The following HSF5 variants were observed in gnomAD, a reference collection of about 807,000 sequenced individuals.
The protein encoded by HSF5 is heat shock transcription factor 5, also known as heat shock factor protein 5.
In HSF5, 5 loss-of-function variants were observed where a neutral mutation model predicts 50.8. That is an observed-to-expected ratio of 0.10 (90% CI 0.05 to 0.21). The LOEUF (loss-of-function observed/expected upper bound fraction) is 0.21. Ranked by LOEUF, HSF5 falls within the 10% of genes least tolerant of loss-of-function variation. The pLI is 1.00. For missense variants in HSF5, 564 were observed against 762.6 expected (o/e 0.74, Z 3.07); for synonymous variants, 307 against 307.4 (o/e 1.00, Z 0.02).
rs1974752528 is a variant in HSF5 at position 58,458,955 on chromosome 17, T to C, written c.1543-10A>G. ...TTATGTTGGCATCCACCTAAAATAT[T>C]AAACCCATTCATTATTTGAGATTTC... On this transcript the variant is annotated splice_polypyrimidine_tract_variant and intron_variant, in intron 4 of 5. Coordinates refer to ENST00000323777, the MANE Select transcript of HSF5 (RefSeq NM_001080439.3). The C allele has an allele frequency of 6.3e-7, 1 of 1,597,940 alleles. No homozygotes were observed.
chr17:58,488,075 GC>G lies in HSF5; in HGVS notation c.199del (p.Ala67ProfsTer122). ...GGGGGTAGAG[A>X]EPELFKTTSF... The stretch of plus-strand genomic sequence containing the variant: ...GGTGGTTTTGAAGAGCTCGGGCTCG[GC>G]CCCGGCCCCCGCAGTCCCGCCACCG... On this transcript the variant is annotated frameshift_variant, in exon 1 of 6. Coordinates refer to ENST00000323777, the MANE Select transcript of HSF5 (RefSeq NM_001080439.3). LOFTEE classifies it high-confidence loss of function. This position sits in a 1 kb window ranked among gnomAD's most constrained non-coding sequence, Gnocchi z 4.1. 6.3e-7 allele frequency: 1 copy of G among 1,584,616 alleles called. No homozygotes were observed.
At chr17:58,423,923 T>C (rs192225212) in intron 5 of HSF5, among the ~76,000 whole-genome samples, 3 of 152,356 alleles carry the variant, frequency 2.0e-5, no homozygotes, top group African/African-American at 4.8e-5. Flanking sequence ...CTCTACAGGA[T>C]TGATCCACAG....
At chr17:58,476,293 T>C (rs2143800241) in intron 2 of HSF5, 1 of 1,008,300 alleles carries the variant, frequency 9.9e-7, no homozygotes, top group East Asian at 2.4e-5. Context: ...AACCAAGTGG[T>C]ACTGTAATGG....
intron 5 of HSF5, among the ~76,000 whole-genome samples, chr17:58,434,827 T>C (rs545568005): frequency 6.6e-6 from 1 of 152,228 alleles, no homozygotes; most frequent in Admixed American, 6.5e-5. Flanking sequence ...CACTCCAGCG[T>C]GGATGACAGA....
chr17:58,475,613 A>G (rs1278186393), intron 2 of HSF5, among the ~76,000 whole-genome samples: 1 of 152,172 alleles, frequency 6.6e-6, no homozygotes, highest in Admixed American at 6.5e-5. Context: ...AACCCCCCCA[A>G]ACATCTCAAA....
chr17:58,483,116 A>AC (rs5821233), intron 1 of HSF5, among the ~76,000 whole-genome samples: 9 of 152,106 alleles, frequency 5.9e-5, no homozygotes, highest in African/African-American at 2.2e-4. Flanking sequence ...GGATGCTCGC[A>AC]GTCAACACTA....
intron 5 of HSF5, among the ~76,000 whole-genome samples, chr17:58,452,097 A>T (rs1016439677): frequency 4.6e-5 from 7 of 151,988 alleles, no homozygotes; most frequent in South Asian, 2.1e-4. Flanking sequence ...AAAAATTTTT[A>T]AATTAGCCAA....
Position 58,476,694 on chromosome 17 carries a change from T to C in HSF5, c.925+3199A>G. 4 of 1,583,526 alleles carry C rather than the reference T, an allele frequency of 2.5e-6. No homozygotes were observed. In the East Asian group the frequency reaches 8.9e-5, roughly 35 times the overall value. ...CAGACACTTGTGGATGGTTGACAAATGTTGTTATCCAAAAATGTGGGATTT... is the reference window on the plus strand; with the variant it reads ...CAGACACTTGTGGATGGTTGACAAACGTTGTTATCCAAAAATGTGGGATTT... On this transcript the variant is annotated intron_variant, in intron 2 of 5. Transcript: ENST00000323777.
At chr17:58,427,597 G>T (rs1974312346) in intron 5 of HSF5, among the ~76,000 whole-genome samples, 1 of 152,268 alleles carries the variant, frequency 6.6e-6, no homozygotes, top group South Asian at 2.1e-4. Context: ...TACTCTTAAT[G>T]ATAATGACAG....
chr17:58,467,665 G>A (rs1010005710), intron 2 of HSF5, among the ~76,000 whole-genome samples: 1 of 152,224 alleles, frequency 6.6e-6, no homozygotes, highest in East Asian at 1.9e-4. Flanking sequence ...TGATATAAAT[G>A]AGCTAATATC....
intron 5 of HSF5, among the ~76,000 whole-genome samples, chr17:58,444,711 A>G (rs1974536894): frequency 6.6e-6 from 1 of 152,244 alleles, no homozygotes; most frequent in African/African-American, 2.4e-5. Flanking sequence ...CACAAGGAAA[A>G]GAAAAAACAG....
intron 3 of HSF5, 64 bp from the exon 4 acceptor site, chr17:58,463,367 T>C (rs1347863140): frequency 6.7e-6 from 9 of 1,337,238 alleles, no homozygotes; most frequent in Non-Finnish European, 8.3e-6. Flanking sequence ...GGAGGAAAGC[T>C]ACAATATTTA....
At chr17:58,487,142 G>A (rs2143816426) in intron 1 of HSF5, among the ~76,000 whole-genome samples, 1 of 152,128 alleles carries the variant, frequency 6.6e-6, no homozygotes, top group Admixed American at 6.5e-5. Context: ...TCCTAACCTC[G>A]TGATGCACCC....
At position 58,480,188 on chromosome 17, in the gene HSF5, G is replaced by A. The variant is rs1351572158; in HGVS notation, c.630C>T (p.Ser210=). ...LSPYSCVSTP[S]HDHSTYPLKG... is the part of the protein sequence containing the mutation. Reference sequence around the variant, plus strand: ...TCAGAGGGTAAGTACTGTGGTCGTGGGATGGAGTTGATACACAGGAGTAAG... The same window carrying A: ...TCAGAGGGTAAGTACTGTGGTCGTGAGATGGAGTTGATACACAGGAGTAAG... The change falls in exon 2 of 6, where the codon TCC becomes TCT. Residue 210 remains serine, a synonymous_variant. Coordinates refer to ENST00000323777, the MANE Select transcript of HSF5 (RefSeq NM_001080439.3). 2 of 1,613,992 alleles carry A rather than the reference G, an allele frequency of 1.2e-6. No individual in the cohort carries two copies. The highest frequency in any genetic ancestry group is 2.7e-5 in the African/African-American group (2 of 74,910).
At chr17:58,425,403 C>G (rs1271128136) in intron 5 of HSF5, among the ~76,000 whole-genome samples, 1 of 141,706 alleles carries the variant, frequency 7.1e-6, no homozygotes, top group Non-Finnish European at 1.6e-5. Context: ...TGAAACTCCA[C>G]CTTAAAAAAA....
chr17:58,466,962 A>G lies in HSF5; in HGVS notation c.943T>C (p.Ser315Pro), dbSNP rs747800436. The G allele has an allele frequency of 6.2e-7, 1 of 1,610,042 alleles. No homozygotes were observed. ...YYPTAVLQCCSPTHMDALSSC... is the reference protein window; with the variant it reads ...YYPTAVLQCCPPTHMDALSSC... ...CTTAGAGCATCCATGTGGGTAGGAG[A>G]ACAGCACTGTAGCACAGCTGGAACA... The change falls in exon 3 of 6, where the codon TCT (serine) becomes CCT (proline). Residue 315 changes from serine (S) to proline (P), a missense_variant. By Grantham distance (74) the Ser-to-Pro change is moderately conservative. This residue lies in a region of HSF5 where 441 missense variants were observed against 533.6 expected (regional missense o/e 0.83). Transcript: ENST00000323777.
chr17:58,467,389 A>C (rs1271260533), intron 2 of HSF5, among the ~76,000 whole-genome samples: 1 of 152,230 alleles, frequency 6.6e-6, no homozygotes, highest in African/African-American at 2.4e-5. Flanking sequence ...GAGTAAAATA[A>C]CTATGAAGTA....
chr17:58,424,383 C>T (rs1465751235), intron 5 of HSF5, among the ~76,000 whole-genome samples: 1 of 147,314 alleles, frequency 6.8e-6, no homozygotes, highest in African/African-American at 2.4e-5. Flanking sequence ...GAGGCCGAGG[C>T]AGGCAGATCA....
At chr17:58,465,158 CT>C (rs1440293427) in intron 3 of HSF5, among the ~76,000 whole-genome samples, 1 of 142,910 alleles carries the variant, frequency 7.0e-6, no homozygotes, top group Non-Finnish European at 1.5e-5. Context: ...CCCTCCCTTC[CT>C]TCTTCCTTCC....
Sources: allele counts gnomAD v4.1 joint callset (sites outside exome capture counted in the v4.1 genomes callset), GRCh38; gene constraint gnomAD v4.1.1; regional missense constraint gnomAD v4.1.1; non-coding constraint Gnocchi (gnomAD v3.1); transcripts MANE v1.5; gene names NCBI Gene and HGNC (gene_info 2026-07-23, HGNC 2026-07-21).